HFM1: variants seen among roughly 807,000 people sequenced by gnomAD.
HFM1 encodes the protein helicase for meiosis 1.
A neutral mutation model predicts 192.1 loss-of-function variants in HFM1; 169 were observed. The observed-to-expected ratio is 0.88, with a 90% CI of 0.78 to 1.00. HFM1 has a LOEUF of 1.00. HFM1 is among the 50% of genes least tolerant of loss of function. The probability of loss-of-function intolerance (pLI) is 0.00; values close to 1 mark genes in which losing one functional copy is unlikely to be tolerated. For synonymous variants in HFM1, 525 were observed against 537.8 expected (o/e 0.98, Z 0.33); for missense variants, 1,661 against 1,668.0 (o/e 1.00, Z 0.07).
chr1:91,404,757 G>A (rs1224781575), intron 1 of HFM1, 41 bp downstream of exon 1: 4 of 424,950 alleles, frequency 9.4e-6, no homozygotes, highest in South Asian at 4.9e-5. Flanking sequence ...TCGGGCCCCC[G>A]TCCCCACCTT....
intron 4 of HFM1, among the ~76,000 whole-genome samples, chr1:91,392,271 C>G (rs1663092252): frequency 6.6e-6 from 1 of 152,168 alleles, no homozygotes; most frequent in Non-Finnish European, 1.5e-5. Flanking sequence ...GATTATAAAT[C>G]ATGCTACTAT....
In HFM1 at chr1:91,378,380, C is replaced by T. The variant is rs200342071; in HGVS notation, c.1236+23G>A. 69 of 1,528,692 alleles carry T rather than the reference C, an allele frequency of 4.5e-5. 2 individuals carry two copies. The Admixed American group carries it at 8.9e-4, about 20-fold the overall frequency. 94.7% of individuals were successfully genotyped at this position (1,528,692 alleles called of 1,614,324 possible). On this transcript the variant is annotated intron_variant, in intron 10 of 38. Transcript: ENST00000370425. Reference sequence around the variant, plus strand: ...TCTAATTATCCTTTTATGTTTATCTCTGAAAGCGAATGCATTCATTACCTC... The same window carrying T: ...TCTAATTATCCTTTTATGTTTATCTTTGAAAGCGAATGCATTCATTACCTC...
At chr1:91,283,663 C>T (rs369411902) in intron 30 of HFM1, among the ~76,000 whole-genome samples, 36 of 152,088 alleles carry the variant, frequency 2.4e-4, no homozygotes, top group African/African-American at 8.5e-4. Flanking sequence ...TATTAATTTA[C>T]ATGTTATAAA....
intron 19 of HFM1, among the ~76,000 whole-genome samples, chr1:91,345,204 AC>A (rs1474444892): frequency 6.6e-6 from 1 of 151,924 alleles, no homozygotes; most frequent in African/African-American, 2.4e-5. Context: ...CCACAGGAAG[AC>A]CTCTCTAAAA....
intron 30 of HFM1, among the ~76,000 whole-genome samples, chr1:91,285,380 T>C (rs1318656925): frequency 6.6e-6 from 1 of 152,196 alleles, no homozygotes; most frequent in Non-Finnish European, 1.5e-5. Flanking sequence ...GAAATAGCCA[T>C]TTAGCAATTA....
chr1:91,352,581 A>G lies in HFM1; in HGVS notation c.1902T>C (p.His634=), dbSNP rs1230332443. Residue 634 remains histidine (H), a synonymous_variant, in exon 16 of 39, where the codon CAT becomes CAC. Transcript: ENST00000370425. ...ACTCTTCAAACAGTCCTCCAGCATA[A>G]TGCATTGTAGATTTTATAACTACTA... ...AHLVVIKSTM[H]YAGGLFEEYS... is the part of the protein sequence containing the mutation. 6.2e-7 allele frequency: 1 copy of G among 1,609,834 alleles called. No individual in the cohort carries two copies. The highest frequency in any genetic ancestry group is 8.5e-7 in the Non-Finnish European group (1 of 1,177,282).
intron 18 of HFM1, among the ~76,000 whole-genome samples, chr1:91,347,679 T>C (rs185900641): frequency 1.3e-5 from 2 of 152,274 alleles, no homozygotes; most frequent in East Asian, 3.9e-4. Flanking sequence ...ATGGAATAAA[T>C]TTCCAAATGT....
At chr1:91,301,139 T>C in intron 30 of HFM1, among the ~76,000 whole-genome samples, 1 of 151,832 alleles carries the variant, frequency 6.6e-6, no homozygotes, top group Non-Finnish European at 1.5e-5. Context: ...TATACACCAA[T>C]AACAGACAAA....
At chr1:91,366,959 T>C (rs890712442) in intron 13 of HFM1, among the ~76,000 whole-genome samples, 6 of 152,208 alleles carry the variant, frequency 3.9e-5, no homozygotes, top group African/African-American at 1.4e-4. Flanking sequence ...CAGGAGATTA[T>C]ATCCTGCGCC....
chr1:91,304,047 G>A (rs911059372), intron 30 of HFM1, among the ~76,000 whole-genome samples: 9 of 151,966 alleles, frequency 5.9e-5, no homozygotes, highest in Non-Finnish European at 1.2e-4. Flanking sequence ...TAGAGATGGG[G>A]TTTCACCATA....
At chr1:91,390,710 T>C (rs1662864830) in intron 4 of HFM1, among the ~76,000 whole-genome samples, 1 of 152,082 alleles carries the variant, frequency 6.6e-6, no homozygotes, top group South Asian at 2.1e-4. Context: ...AGGGATGCCC[T>C]CTCTCACCAC....
At chr1:91,388,529 T>A (rs1353652353) in intron 4 of HFM1, among the ~76,000 whole-genome samples, 2 of 152,150 alleles carry the variant, frequency 1.3e-5, no homozygotes, top group Non-Finnish European at 2.9e-5. Flanking sequence ...CAAATGAGGC[T>A]GGAACATCTG....
Position 91,351,631 on chromosome 1 carries a change from C to A in HFM1, c.1990G>T (p.Ala664Ser). The A allele has an allele frequency of 6.3e-7, 1 of 1,589,694 alleles. No individual in the cohort carries two copies. The highest frequency in any genetic ancestry group is 8.6e-7 in the Non-Finnish European group (1 of 1,163,872). ...AATCGAGTCATGATAACTGCAGTAG[C>A]TGTAGTGTCAAACTGGGGAGAAAAC... Reference protein sequence around the residue: ...RAGRPQFDTTATAVIMTRLST... With the variant: ...RAGRPQFDTTSTAVIMTRLST... The change falls in exon 17 of 39, where the codon GCT becomes TCT. Residue 664 changes from alanine (A) to serine (S), a missense_variant. By Grantham distance (99) the Ala-to-Ser change is moderately conservative (BLOSUM62 1). Coordinates refer to ENST00000370425, the MANE Select transcript of HFM1 (RefSeq NM_001017975.6).
chr1:91,321,193 G>C (rs1218302762), intron 23 of HFM1, among the ~76,000 whole-genome samples: 1 of 152,234 alleles, frequency 6.6e-6, no homozygotes, highest in East Asian at 1.9e-4. Context: ...TGTAATCCCA[G>C]CACTTTGGGA....
chr1:91,289,863 G>C (rs1168838401), intron 30 of HFM1, among the ~76,000 whole-genome samples: 2 of 152,056 alleles, frequency 1.3e-5, no homozygotes, highest in African/African-American at 4.8e-5. Flanking sequence ...AGAGGGAGAG[G>C]GAGACGAGAG....
At chr1:91,387,416 C>A (rs1662348212) in intron 4 of HFM1, among the ~76,000 whole-genome samples, 2 of 150,670 alleles carry the variant, frequency 1.3e-5, no homozygotes, top group African/African-American at 4.9e-5. Flanking sequence ...TCAGAAGGAT[C>A]GTGAGGCCCC....
chr1:91,369,637 C>T (rs1306335812), intron 13 of HFM1, among the ~76,000 whole-genome samples: 1 of 152,018 alleles, frequency 6.6e-6, no homozygotes. Flanking sequence ...CAAGAGAAAG[C>T]AGGAAAGATA....
intron 1 of HFM1, among the ~76,000 whole-genome samples, chr1:91,404,074 T>C (rs1664595740): frequency 6.6e-6 from 1 of 152,022 alleles, no homozygotes; most frequent in African/African-American, 2.4e-5. Context: ...TAACCGACCG[T>C]CACAAATAAC....
chr1:91,284,047 T>C (rs1330257499), intron 30 of HFM1, among the ~76,000 whole-genome samples: 1 of 151,998 alleles, frequency 6.6e-6, no homozygotes, highest in African/African-American at 2.4e-5. Context: ...ACTATCATTT[T>C]GTTATTTATT....
Sources: gnomAD v4.1 joint callset for allele counts (sites outside exome capture counted in the v4.1 genomes callset) on GRCh38, gnomAD v4.1.1 for gene constraint, MANE v1.5 for transcripts, NCBI Gene and HGNC (gene_info 2026-07-23, HGNC 2026-07-21) for gene names.